PPM1E: variants seen among roughly 807,000 people sequenced by gnomAD.
The protein encoded by PPM1E is protein phosphatase 1E.
In PPM1E, 20 loss-of-function variants were observed where a neutral mutation model predicts 65.9. The ratio of observed to expected loss-of-function variants is 0.30; its 90% CI spans 0.21 to 0.44. The LOEUF (loss-of-function observed/expected upper bound fraction) is 0.44. Ranked by LOEUF, PPM1E falls within the 20% of genes least tolerant of loss-of-function variation. PPM1E has a pLI of 1.00. For synonymous variants in PPM1E, 352 were observed against 374.9 expected, an observed-to-expected ratio of 0.94 and a Z score of 0.70; for missense variants, 713 against 953.1, an observed-to-expected ratio of 0.75 and a Z score of 3.32.
chr17:58,897,532 A>G (rs2051437428), intron 1 of PPM1E, among the ~76,000 whole-genome samples: 1 of 152,232 alleles, frequency 6.6e-6, no homozygotes, highest in East Asian at 1.9e-4. Flanking sequence ...TATTAACACA[A>G]CATCCCCATT....
chr17:58,830,361 G>A (rs951827259), intron 1 of PPM1E, among the ~76,000 whole-genome samples: 4 of 151,344 alleles, frequency 2.6e-5, no homozygotes, highest in African/African-American at 7.3e-5. Context: ...AGGCTGTAGC[G>A]CAGTGGCGCA....
intron 1 of PPM1E, chr17:58,951,505 C>G (rs1466907024): frequency 6.6e-6 from 1 of 151,936 alleles, no homozygotes; most frequent in East Asian, 1.9e-4. Flanking sequence ...ATGGTGAAAC[C>G]TCGTCTCTAC....
chr17:58,755,975 T>C lies in PPM1E; in HGVS notation c.-23T>C, dbSNP rs977144865. ...GGGCTTCCCCCAACCCCTTTCCCGG[T>C]CTGCCCTGGGGCATGAGCAGCGATG... is the stretch of plus-strand genomic sequence containing the variant. On this transcript the variant is annotated 5_prime_UTR_variant, in exon 1 of 7. Transcript: ENST00000308249. 1 of 1,613,578 alleles carries C rather than the reference T, an allele frequency of 6.2e-7. No homozygotes were observed. The highest frequency in any genetic ancestry group is 1.3e-5 in the African/African-American group (1 of 74,928).
In PPM1E at chr17:58,972,939, AT is replaced by A; in HGVS notation, c.1210+19del. The stretch of plus-strand genomic sequence containing the variant: ...CCAGAGCTATTGGTAGGAAAAACAA[AT>A]TTTTGTTTCTCCAAACTGTCCTCTT... On this transcript the variant is annotated intron_variant, in intron 6 of 6. Coordinates refer to ENST00000308249, the MANE Select transcript of PPM1E (RefSeq NM_014906.5). 6.2e-7 allele frequency: 1 copy of A among 1,604,380 alleles called. No homozygotes were observed. The highest frequency in any genetic ancestry group is 8.5e-7 in the Non-Finnish European group (1 of 1,172,136).
At chr17:58,816,775 TATATATATATATA>T (rs1567842192) in intron 1 of PPM1E, among the ~76,000 whole-genome samples, 19 of 17,694 alleles carry the variant, frequency 1.1e-3, no homozygotes, top group Non-Finnish European at 2.1e-3. Flanking sequence ...TATATATATA[TATATATATATATA>T]TATATATTTT....
chr17:58,971,887 A>T (rs1205560440), intron 4 of PPM1E, among the ~76,000 whole-genome samples: 1 of 152,248 alleles, frequency 6.6e-6, no homozygotes, highest in East Asian at 1.9e-4. Context: ...TCTATATTTA[A>T]AGTGGAATTA....
chr17:58,904,005 A>T (rs922192350), intron 1 of PPM1E, among the ~76,000 whole-genome samples: 7 of 152,216 alleles, frequency 4.6e-5, no homozygotes, highest in African/African-American at 1.7e-4. Context: ...TGAATTTGAA[A>T]TAATTTCAAA....
At chr17:58,879,532 CAG>C (rs1225163557) in intron 1 of PPM1E, among the ~76,000 whole-genome samples, 1 of 97,256 alleles carries the variant, frequency 1.0e-5, no homozygotes, top group Non-Finnish European at 1.9e-5. Context: ...TTTTTTGAGA[CAG>C]AGTCTCGCTC....
chr17:58,934,192 C>T (rs2051944860), intron 1 of PPM1E, among the ~76,000 whole-genome samples: 1 of 151,404 alleles, frequency 6.6e-6, no homozygotes, highest in Admixed American at 6.6e-5. Flanking sequence ...AAGCGTCTTT[C>T]ATTATAAGTC....
At chr17:58,969,999 T>A (rs1158271750) in intron 4 of PPM1E, among the ~76,000 whole-genome samples, 2 of 152,236 alleles carry the variant, frequency 1.3e-5, no homozygotes, top group Non-Finnish European at 2.9e-5. Context: ...GTGAGTTTCA[T>A]CTTTCTTTTA....
At chr17:58,883,584 C>T (rs2051229720) in intron 1 of PPM1E, among the ~76,000 whole-genome samples, 2 of 148,762 alleles carry the variant, frequency 1.3e-5, no homozygotes, top group Non-Finnish European at 3.0e-5. Flanking sequence ...CCCGGGTTCA[C>T]GCCATTCTCC....
intron 1 of PPM1E, among the ~76,000 whole-genome samples, chr17:58,860,181 A>G (rs571905829): frequency 1.3e-5 from 2 of 152,338 alleles, no homozygotes; most frequent in South Asian, 4.1e-4. Flanking sequence ...AAACCCAAAG[A>G]GATTGTAAAT....
chr17:58,806,106 AAAG>A (rs1282731821), intron 1 of PPM1E, among the ~76,000 whole-genome samples: 1 of 152,000 alleles, frequency 6.6e-6, no homozygotes, highest in African/African-American at 2.4e-5. Context: ...ATTTATATAA[AAAG>A]AAGACTTTCT....
chr17:58,921,728 A>G (rs1044454496), intron 1 of PPM1E, among the ~76,000 whole-genome samples: 2 of 150,932 alleles, frequency 1.3e-5, no homozygotes, highest in Non-Finnish European at 2.9e-5. Context: ...GATTATGGAC[A>G]GTTTTACCAT....
chr17:58,755,981 C>T lies in PPM1E; in HGVS notation c.-17C>T. The T allele has an allele frequency of 6.2e-7, 1 of 1,613,888 alleles. No individual in the cohort carries two copies. The highest frequency in any genetic ancestry group is 1.7e-4 in the Middle Eastern group (1 of 6,052). ...CCCCCAACCCCTTTCCCGGTCTGCCCTGGGGCATGAGCAGCGATGGCCGGC... is the reference window on the plus strand; with the variant it reads ...CCCCCAACCCCTTTCCCGGTCTGCCTTGGGGCATGAGCAGCGATGGCCGGC... On this transcript the variant is annotated 5_prime_UTR_variant, in exon 1 of 7. Coordinates refer to ENST00000308249, the MANE Select transcript of PPM1E (RefSeq NM_014906.5).
At chr17:58,882,397 A>AT (rs576988169) in intron 1 of PPM1E, among the ~76,000 whole-genome samples, 5,112 of 148,224 alleles carry the variant, frequency 0.034, 125 homozygotes, top group Middle Eastern at 0.072. Flanking sequence ...AGCAACTTGC[A>AT]TTTTTTTTTT....
rs540904547 is a variant in PPM1E at position 58,857,665 on chromosome 17, G to A, written c.465-97984G>A. 6.6e-5 allele frequency among the ~76,000 whole-genome samples: 10 copies of A among 151,900 alleles called. 1 individual carries two copies. Among genetic ancestry groups the A allele is most frequent in the Middle Eastern group, 3.4e-3 (1 of 294 alleles). On this transcript the variant is annotated intron_variant, in intron 1 of 6. Coordinates refer to ENST00000308249, the MANE Select transcript of PPM1E (RefSeq NM_014906.5). The stretch of plus-strand genomic sequence containing the variant: ...AAGAAATGTTGCTTCTTTCTTTTGC[G>A]GTCAGAAAACAATACCTAAAGTTCT...
rs149869667 is a variant in PPM1E at position 58,823,156 on chromosome 17, A to G, written c.464+66695A>G. 4.8e-3 allele frequency among the ~76,000 whole-genome samples: 732 copies of G among 152,304 alleles called. 16 individuals are homozygous for G. Among genetic ancestry groups the G allele is most frequent in the African/African-American group, 0.017 (691 of 41,560 alleles). ...AGTGTATGTAAGCACTTTTTAAACT[A>G]TAAAGACAACGTATAAAAATGAGGT... On this transcript the variant is annotated intron_variant, in intron 1 of 6. Transcript: ENST00000308249.
intron 2 of PPM1E, 84 bp downstream of exon 2, chr17:58,955,851 A>G (rs2029872298): frequency 7.1e-7 from 1 of 1,404,546 alleles, no homozygotes; most frequent in Admixed American, 2.7e-5. Context: ...GCAAAATACT[A>G]AATCTAATTA....
Sources: gnomAD v4.1 joint callset for allele counts (sites outside exome capture counted in the v4.1 genomes callset) on GRCh38, gnomAD v4.1.1 for gene constraint, MANE v1.5 for transcripts, NCBI Gene and HGNC (gene_info 2026-07-23, HGNC 2026-07-21) for gene names.